The following EPRS1 variants were observed in gnomAD, a reference collection of about 807,000 sequenced individuals.
The protein encoded by EPRS1 is bifunctional glutamate/proline--tRNA ligase.
EPRS1 carries 107 observed loss-of-function variants against 188.3 expected under a neutral mutation model. That is an observed-to-expected ratio of 0.57 (90% CI 0.49 to 0.67). The LOEUF (loss-of-function observed/expected upper bound fraction) is 0.67, where lower values mean the gene tolerates loss of function less well. Ranked by LOEUF, EPRS1 falls within the 30% of genes least tolerant of loss-of-function variation. The probability of loss-of-function intolerance (pLI) is 0.00; values close to 1 mark genes in which losing one functional copy is unlikely to be tolerated. For missense variants in EPRS1, 1,577 were observed against 1,802.2 expected (o/e 0.88, Z 2.26); for synonymous variants, 596 against 593.1 (o/e 1.00, Z -0.07).
At chr1:219,975,636 CA>C (rs1400351981) in intron 28 of EPRS1, among the ~76,000 whole-genome samples, 1 of 152,072 alleles carries the variant, frequency 6.6e-6, no homozygotes, top group African/African-American at 2.4e-5. Context: ...AGGGTTTCAC[CA>C]TGTTGGACAG....
At chr1:220,044,678 C>G (rs1035875465) in intron 1 of EPRS1, among the ~76,000 whole-genome samples, 1 of 69,966 alleles carries the variant, frequency 1.4e-5, no homozygotes, top group African/African-American at 8.0e-5. Flanking sequence ...TGAGCTCGGT[C>G]TCCAAAAAAA....
chr1:219,971,620 A>G (rs1178886371), intron 30 of EPRS1, among the ~76,000 whole-genome samples: 3 of 151,926 alleles, frequency 2.0e-5, no homozygotes, highest in Non-Finnish European at 4.4e-5. Context: ...CTGAAATAAC[A>G]CAGATTTTCA....
chr1:220,033,367 A>G, intron 4 of EPRS1, 135 bp downstream of exon 4: 1 of 544,288 alleles, frequency 1.8e-6, no homozygotes, highest in Non-Finnish European at 3.1e-6. Flanking sequence ...CCCCTGTAAT[A>G]AAGTCCTAAG....
chr1:219,977,121 A>G (rs1660795947), intron 28 of EPRS1, among the ~76,000 whole-genome samples: 1 of 152,168 alleles, frequency 6.6e-6, no homozygotes, highest in South Asian at 2.1e-4. Flanking sequence ...TCAAATAAAT[A>G]TAAATCCAGA....
At chr1:219,978,973 T>TC (rs1343446605) in intron 27 of EPRS1, among the ~76,000 whole-genome samples, 27 of 143,364 alleles carry the variant, frequency 1.9e-4, no homozygotes, top group South Asian at 6.7e-4. Context: ...TATTTTTTTT[T>TC]CCCCCCCAGC....
chr1:220,000,143 A>G (rs1011126931), intron 17 of EPRS1, among the ~76,000 whole-genome samples: 19 of 152,230 alleles, frequency 1.2e-4, no homozygotes, highest in Admixed American at 1.3e-4. Context: ...ATTTTGCAGA[A>G]CATGAAGTTT....
Position 220,040,216 on chromosome 1 carries a change from C to T in EPRS1, c.100G>A (p.Glu34Lys), listed in dbSNP as rs1662266041. The change falls in exon 2 of 32, where the codon GAA becomes AAA. Residue 34 changes from glutamate to lysine, a missense_variant. Coordinates refer to ENST00000366923, the MANE Select transcript of EPRS1 (RefSeq NM_004446.3). ...VKDDVSISVEEGKENILHVSE... is the reference protein window; with the variant it reads ...VKDDVSISVEKGKENILHVSE... ...ACATGAAGAATATTCTCTTTCCCTT[C>T]TTCAACGGAAATGCTGACATCGTCT... 1.9e-6 allele frequency: 3 copies of T among 1,608,462 alleles called. No homozygotes were observed. Among genetic ancestry groups the T allele is most frequent in the Non-Finnish European group, 2.6e-6 (3 of 1,175,380 alleles).
At chr1:220,033,724 A>T in intron 3 of EPRS1, 66 bp from the exon 4 acceptor site, 7 of 1,253,522 alleles carry the variant, frequency 5.6e-6, no homozygotes, top group Non-Finnish European at 8.0e-6. Context: ...GAAAGACCAT[A>T]AAAAAATTCT....
At chr1:220,020,892 CTT>C (rs148502385) in intron 9 of EPRS1, among the ~76,000 whole-genome samples, 1 of 123,150 alleles carries the variant, frequency 8.1e-6, no homozygotes, top group African/African-American at 3.0e-5. Flanking sequence ...TGCTTTCTTT[CTT>C]TTTTTTTGGA....
chr1:220,024,523 G>T, intron 7 of EPRS1, 67 bp from the exon 8 acceptor site: 1 of 1,065,404 alleles, frequency 9.4e-7, no homozygotes, highest in South Asian at 1.6e-5. Context: ...TTCAACCCTT[G>T]ATACTGCATT....
chr1:220,012,143 C>A (rs1213205888), intron 12 of EPRS1, among the ~76,000 whole-genome samples: 1 of 152,154 alleles, frequency 6.6e-6, no homozygotes, highest in African/African-American at 2.4e-5. Context: ...AACTTCTCCT[C>A]ATCTGCTAAT....
chr1:220,005,997 T>G (rs1295588275), intron 15 of EPRS1, 109 bp downstream of exon 15: 11 of 592,224 alleles, frequency 1.9e-5, no homozygotes, highest in Non-Finnish European at 3.1e-5. Context: ...TTAAATAAAA[T>G]TCTACACATC....
At chr1:220,036,360 C>G (rs1662180346) in intron 2 of EPRS1, among the ~76,000 whole-genome samples, 1 of 152,140 alleles carries the variant, frequency 6.6e-6, no homozygotes, top group African/African-American at 2.4e-5. Context: ...ATAGTTCATT[C>G]TACCATAAAG....
chr1:219,999,136 C>T (rs1475762826), intron 17 of EPRS1, among the ~76,000 whole-genome samples: 1 of 152,158 alleles, frequency 6.6e-6, no homozygotes, highest in African/African-American at 2.4e-5. Context: ...TTTACCATAA[C>T]ATTAAGCCCT....
intron 30 of EPRS1, among the ~76,000 whole-genome samples, chr1:219,969,777 G>A (rs1660629452): frequency 1.3e-5 from 2 of 151,856 alleles, no homozygotes; most frequent in South Asian, 4.1e-4. Context: ...CTAGCTCTGG[G>A]TTTTCTTTTA....
intron 25 of EPRS1, among the ~76,000 whole-genome samples, 199 bp downstream of exon 25, chr1:219,980,557 G>A (rs1660875572): frequency 6.6e-6 from 1 of 152,104 alleles, no homozygotes; most frequent in South Asian, 2.1e-4. Context: ...TTAAAGTCCA[G>A]AAGTATTTTC....
At chr1:220,020,856 ATATATATATATATATT>A (rs1243969004) in intron 9 of EPRS1, among the ~76,000 whole-genome samples, 4 of 44,346 alleles carry the variant, frequency 9.0e-5, no homozygotes, top group Non-Finnish European at 9.9e-5. Context: ...ATATATATAT[ATATATATATATATATT>A]AGTGCATTAT....
intron 6 of EPRS1, among the ~76,000 whole-genome samples, chr1:220,026,692 G>A (rs1477731803): frequency 1.3e-5 from 2 of 151,334 alleles, no homozygotes; most frequent in Non-Finnish European, 2.9e-5. Flanking sequence ...CACCATGCCC[G>A]GCTAATTTTT....
intron 7 of EPRS1, 24 bp downstream of exon 7, chr1:220,025,108 G>T: frequency 6.2e-7 from 1 of 1,605,302 alleles, no homozygotes; most frequent in South Asian, 1.1e-5. Flanking sequence ...TCTGGCAAAG[G>T]GTCATCACTA....
Sources: gnomAD v4.1 joint callset for allele counts (sites outside exome capture counted in the v4.1 genomes callset) on GRCh38, gnomAD v4.1.1 for gene constraint, MANE v1.5 for transcripts, NCBI Gene and HGNC (gene_info 2026-07-23, HGNC 2026-07-21) for gene names.